Variants in GLT8D2 observed in about 807,000 individuals in gnomAD.
The protein encoded by GLT8D2 is glycosyltransferase 8 domain containing 2.
GLT8D2 carries 45 observed loss-of-function variants against 44.5 expected under a neutral mutation model. The ratio of observed to expected loss-of-function variants is 1.01; its 90% CI spans 0.80 to 1.30. The LOEUF is 1.30. Among genes scored for constraint, GLT8D2 ranks in the 50% most tolerant of loss-of-function variants. The probability of loss-of-function intolerance (pLI) is 0.00; values close to 1 mark genes in which losing one functional copy is unlikely to be tolerated. For synonymous variants in GLT8D2, 156 were observed against 157.2 expected, an observed-to-expected ratio of 0.99 and a Z score of 0.06; for missense variants, 400 against 430.4, an observed-to-expected ratio of 0.93 and a Z score of 0.62.
intron 1 of GLT8D2, among the ~76,000 whole-genome samples, chr12:104,035,014 G>A (rs1002618196): frequency 2.0e-5 from 3 of 152,178 alleles, no homozygotes; most frequent in African/African-American, 4.8e-5. Context: ...TGGTGATACC[G>A]AGGCAAACAG....
intron 6 of GLT8D2, among the ~76,000 whole-genome samples, chr12:103,997,910 TAAATAC>T (rs1233427339): frequency 4.4e-5 from 4 of 90,706 alleles, no homozygotes; most frequent in African/African-American, 1.7e-4. Context: ...AAATCAGCCT[TAAATAC>T]ACACACACAC....
intron 3 of GLT8D2, among the ~76,000 whole-genome samples, chr12:104,018,939 G>A (rs1877254416): frequency 6.6e-6 from 1 of 152,064 alleles, no homozygotes; most frequent in Non-Finnish European, 1.5e-5. Flanking sequence ...GCAAATCCAG[G>A]TTCTGATGGG....
At chr12:104,033,076 T>C (rs1879505036) in intron 1 of GLT8D2, among the ~76,000 whole-genome samples, 1 of 152,094 alleles carries the variant, frequency 6.6e-6, no homozygotes, top group South Asian at 2.1e-4. Context: ...GAGACAGGGT[T>C]TCACCATGTT....
In GLT8D2 at chr12:104,021,361, G is replaced by C. The variant is rs1877603611; in HGVS notation, c.-33C>G. ...GGAAAAGTCCAAGTCACTTACCCTG[G>C]AGAACTTCCTTTCCTATGGCAGGCC... On this transcript the variant is annotated 5_prime_UTR_variant, in exon 2 of 11. Coordinates refer to ENST00000360814, the MANE Select transcript of GLT8D2 (RefSeq NM_001384711.1). The C allele has an allele frequency of 6.6e-6, 1 of 152,268 alleles. No homozygotes were observed. Among genetic ancestry groups the C allele is most frequent in the Non-Finnish European group, 1.5e-5 (1 of 68,096 alleles). The allele number at this position is 152,268 out of a possible 1,614,324, so 9.4% of individuals were successfully genotyped here.
chr12:104,016,648 G>GAGAA (rs201450994), intron 3 of GLT8D2, among the ~76,000 whole-genome samples: 16 of 132,908 alleles, frequency 1.2e-4, no homozygotes, highest in African/African-American at 4.3e-4. Flanking sequence ...GAAAGAAGGA[G>GAGAA]AGAAAGAAAG....
At chr12:104,056,899 T>C (rs900194585) in intron 1 of GLT8D2, among the ~76,000 whole-genome samples, 3 of 152,216 alleles carry the variant, frequency 2.0e-5, no homozygotes, top group African/African-American at 7.2e-5. Flanking sequence ...GTGTTGCCTC[T>C]TTATCTCCAA....
rs2078678558 is a variant in GLT8D2, at chr12:103,994,596, G to C, written c.601-95C>G. 7.1e-6 allele frequency: 8 copies of C among 1,132,758 alleles called. No homozygotes were observed. The South Asian group carries it at 1.4e-4, about 19-fold the overall frequency. The allele number at this position is 1,132,758 out of a possible 1,614,324, so 70.2% of individuals were successfully genotyped here. ...TGAAACCCTTGTGCAGTATCTTTGG[G>C]TTTCCTCCTGTGTCACTGGCCACTG... On this transcript the variant is annotated intron_variant, in intron 8 of 10. Coordinates refer to ENST00000360814, the MANE Select transcript of GLT8D2 (RefSeq NM_001384711.1).
intron 10 of GLT8D2, among the ~76,000 whole-genome samples, chr12:103,991,813 T>A (rs957727990): frequency 5.1e-4 from 58 of 114,520 alleles, no homozygotes; most frequent in African/African-American, 1.9e-3. Context: ...GCCTCCACAA[T>A]TACGTCCTTT....
chr12:103,993,081 A>T (rs2700510), intron 10 of GLT8D2, among the ~76,000 whole-genome samples: 3 of 152,102 alleles, frequency 2.0e-5, no homozygotes, highest in Admixed American at 6.5e-5. Flanking sequence ...CCGTAATCCT[A>T]GCACTTTGGG....
At chr12:104,058,985 G>A (rs1175778658) in intron 1 of GLT8D2, among the ~76,000 whole-genome samples, 1 of 152,182 alleles carries the variant, frequency 6.6e-6, no homozygotes, top group Non-Finnish European at 1.5e-5. Flanking sequence ...GGAAACACTG[G>A]ACAAAGGATG....
rs375062071 is a variant in GLT8D2, at chr12:104,030,847, C to T, written c.-163-9356G>A. 1.6e-3 allele frequency: 2,539 copies of T among 1,583,588 alleles called. 38 individuals carry two copies. In the African/African-American group the frequency reaches 0.029, roughly 18 times the overall value. On this transcript the variant is annotated intron_variant, in intron 1 of 10. Coordinates refer to ENST00000360814, the MANE Select transcript of GLT8D2 (RefSeq NM_001384711.1). ...CATGGAACCTGGAGAACCGCTTCAGCGGCTGGTACGACGCCGACCTGAGCC... is the reference window on the plus strand; with the variant it reads ...CATGGAACCTGGAGAACCGCTTCAGTGGCTGGTACGACGCCGACCTGAGCC...
intron 1 of GLT8D2, among the ~76,000 whole-genome samples, chr12:104,029,509 G>A (rs533425064): frequency 2.0e-5 from 3 of 152,124 alleles, no homozygotes; most frequent in Admixed American, 6.5e-5. Flanking sequence ...TTTGTGTGTA[G>A]AAAGAGAGAG....
At chr12:104,025,006 G>A (rs1878380708) in intron 1 of GLT8D2, among the ~76,000 whole-genome samples, 1 of 145,500 alleles carries the variant, frequency 6.9e-6, no homozygotes, top group Admixed American at 7.0e-5. Flanking sequence ...GGAGGTGGAG[G>A]TTGCAGTGAG....
At chr12:104,034,206 C>T (rs1370073359) in intron 1 of GLT8D2, among the ~76,000 whole-genome samples, 1 of 152,216 alleles carries the variant, frequency 6.6e-6, no homozygotes, top group Non-Finnish European at 1.5e-5. Context: ...CTCTGGTCTG[C>T]AGCTCCCAGC....
At chr12:104,047,116 A>G (rs1465521929) in intron 1 of GLT8D2, among the ~76,000 whole-genome samples, 1 of 152,026 alleles carries the variant, frequency 6.6e-6, no homozygotes, top group African/African-American at 2.4e-5. Flanking sequence ...GGCATGAGCC[A>G]CCATGCCAGC....
At chr12:104,016,825 G>GA (rs756311442) in intron 3 of GLT8D2, among the ~76,000 whole-genome samples, 9 of 50,324 alleles carry the variant, frequency 1.8e-4, no homozygotes, top group Non-Finnish European at 3.3e-4. Flanking sequence ...GAAAGAGAAA[G>GA]AAAAGAAAGA....
intron 4 of GLT8D2, chr12:104,014,401 G>A (rs780470057): frequency 2.3e-5 from 14 of 615,920 alleles, no homozygotes; most frequent in Non-Finnish European, 3.2e-5. Flanking sequence ...AGTGCTTCCT[G>A]ATTTTTATGG....
chr12:104,018,598 G>C (rs1411773455), intron 3 of GLT8D2, among the ~76,000 whole-genome samples: 1 of 152,154 alleles, frequency 6.6e-6, no homozygotes, highest in East Asian at 1.9e-4. Context: ...CCACGGCCGG[G>C]CGCAGTGCCT....
intron 1 of GLT8D2, among the ~76,000 whole-genome samples, chr12:104,034,178 A>G (rs962080036): frequency 5.8e-4 from 88 of 152,236 alleles, no homozygotes; most frequent in Admixed American, 5.7e-3. Context: ...CCATTCCAAG[A>G]TGGCTGAATA....
Sources: gnomAD v4.1 joint callset for allele counts (sites outside exome capture counted in the v4.1 genomes callset) on GRCh38, gnomAD v4.1.1 for gene constraint, MANE v1.5 for transcripts, NCBI Gene and HGNC (gene_info 2026-07-23, HGNC 2026-07-21) for gene names.